The following PHLDB1 variants were observed in gnomAD, a reference collection of about 807,000 sequenced individuals.
PHLDB1 encodes the protein pleckstrin homology like domain family B member 1, also known as pleckstrin homology-like domain family B member 1.
Under a neutral mutation model 139.3 loss-of-function variants are expected in PHLDB1, and 65 were observed. That is an observed-to-expected ratio of 0.47 (90% confidence interval 0.38 to 0.57). The LOEUF (loss-of-function observed/expected upper bound fraction) is 0.57, where lower values mean the gene tolerates loss of function less well. Among genes scored for constraint, PHLDB1 ranks in the 20% least tolerant of loss-of-function variants. The pLI, the probability that PHLDB1 is intolerant of heterozygous loss-of-function variation, is 0.00. For synonymous variants in PHLDB1, 679 were observed against 734.5 expected, an observed-to-expected ratio of 0.92 and a Z score of 1.22; for missense variants, 1,624 against 1,839.7, an observed-to-expected ratio of 0.88 and a Z score of 2.14.
chr11:118,609,287 C>T, intron 1 of PHLDB1, among the ~76,000 whole-genome samples: 1 of 148,014 alleles, frequency 6.8e-6, no homozygotes, highest in Non-Finnish European at 1.5e-5. Flanking sequence ...CTCACACACA[C>T]AGCCCCAGTT....
rs2135675845 is a variant in PHLDB1 at position 118,611,790 on chromosome 11, C to T, written c.-21-2026C>T. Among the ~76,000 whole-genome samples, 1 of 150,944 alleles carries T rather than the reference C, an allele frequency of 6.6e-6. No individual in the cohort carries two copies. The highest frequency in any genetic ancestry group is 1.9e-4 in the East Asian group (1 of 5,138). ...CCGAGATAGCACCGCTGCACTCCAGCCTGGGCAACAAGAGTGAAACTCCGT... is the reference window on the plus strand; with the variant it reads ...CCGAGATAGCACCGCTGCACTCCAGTCTGGGCAACAAGAGTGAAACTCCGT... On this transcript the variant is annotated intron_variant, in intron 1 of 22. Transcript: ENST00000600882. This position sits in a 1 kb window ranked among gnomAD's most constrained non-coding sequence, Gnocchi z 4.7.
chr11:118,616,637 A>T (rs1555089902), intron 4 of PHLDB1, among the ~76,000 whole-genome samples: 1 of 152,226 alleles, frequency 6.6e-6, no homozygotes, highest in Non-Finnish European at 1.5e-5. Flanking sequence ...GGGATGGGGC[A>T]AGGGTAAATC....
In PHLDB1 at chr11:118,643,824, G is replaced by A. The variant is rs374599436; in HGVS notation, c.2902G>A (p.Glu968Lys). 5.8e-5 allele frequency: 94 copies of A among 1,613,960 alleles called. 1 individual carries two copies. The East Asian group carries it at 8.9e-4, about 15-fold the overall frequency. Residue 968 changes from glutamate to lysine, a missense_variant, in exon 14 of 23, where the codon GAG becomes AAG. Coordinates refer to ENST00000600882, the MANE Select transcript of PHLDB1 (RefSeq NM_001144758.3). Reference sequence around the variant, plus strand: ...GGTTTACCGCTCCAAGATGGATGGCGAGGCCACCAGCCCCCTTCCCCGGAC... The same window carrying A: ...GGTTTACCGCTCCAAGATGGATGGCAAGGCCACCAGCCCCCTTCCCCGGAC... ...LQVYRSKMDG[E>K]ATSPLPRTRS... is the part of the protein sequence containing the mutation.
intron 9 of PHLDB1, chr11:118,634,415 CT>C (rs1289162342): frequency 6.6e-6 from 1 of 152,500 alleles, no homozygotes. Flanking sequence ...CATCACTACC[CT>C]TTTTCCCTGG....
At position 118,611,778 on chromosome 11, in the gene PHLDB1, G is replaced by A. The variant is rs1379365095; in HGVS notation, c.-21-2038G>A. Among the ~76,000 whole-genome samples, 1 of 150,726 alleles carries A rather than the reference G, an allele frequency of 6.6e-6. No homozygotes were observed. Among genetic ancestry groups the A allele is most frequent in the African/African-American group, 2.4e-5 (1 of 40,930 alleles). On this transcript the variant is annotated intron_variant, in intron 1 of 22. Coordinates refer to ENST00000600882, the MANE Select transcript of PHLDB1 (RefSeq NM_001144758.3). This position sits in a 1 kb window ranked among gnomAD's most constrained non-coding sequence, Gnocchi z 4.7. Reference sequence around the variant, plus strand: ...GGTTGCGGTAAGCCGAGATAGCACCGCTGCACTCCAGCCTGGGCAACAAGA... The same window carrying A: ...GGTTGCGGTAAGCCGAGATAGCACCACTGCACTCCAGCCTGGGCAACAAGA...
chr11:118,625,920 G>A lies in PHLDB1; in HGVS notation c.481+861G>A, dbSNP rs1387035172. The stretch of plus-strand genomic sequence containing the variant: ...TACCCTCGATCTTTTCCAGTCCTCT[G>A]GGGGCTCAGAAGCCTGGGTTCCCAG... On this transcript the variant is annotated intron_variant, in intron 5 of 22. Transcript: ENST00000600882. Among the ~76,000 whole-genome samples, 3 of 152,166 alleles carry A rather than the reference G, an allele frequency of 2.0e-5. No individual in the cohort carries two copies. In the East Asian group the frequency reaches 5.8e-4, roughly 29 times the overall value.
intron 5 of PHLDB1, 132 bp from the exon 6 acceptor site, chr11:118,627,173 C>T (rs1944019952): frequency 1.2e-6 from 1 of 862,060 alleles, no homozygotes; most frequent in South Asian, 1.6e-5. Context: ...CTAGCTGGTA[C>T]CAGAACCACA....
At position 118,631,190 on chromosome 11, in the gene PHLDB1, C is replaced by G. The variant is rs376717761; in HGVS notation, c.1828-17C>G. ...AGCTTCCTCCCCTTCATGTCCTGCT[C>G]TGTCCATCCTCCCCAGGAACGCCAG... On this transcript the variant is annotated splice_polypyrimidine_tract_variant and intron_variant, in intron 6 of 22. Transcript: ENST00000600882. The G allele has an allele frequency of 2.1e-5, 30 of 1,418,052 alleles. No individual in the cohort carries two copies. The African/African-American group carries it at 3.4e-4, about 16-fold the overall frequency. 87.8% of individuals were successfully genotyped at this position (1,418,052 alleles called of 1,614,324 possible).
chr11:118,629,897 C>A, intron 6 of PHLDB1: 2 of 630,902 alleles, frequency 3.2e-6, no homozygotes, highest in Non-Finnish European at 2.4e-6. Flanking sequence ...TCCTGACCTG[C>A]CTCACCTGCC....
intron 5 of PHLDB1, among the ~76,000 whole-genome samples, chr11:118,625,898 C>A (rs1268315558): frequency 3.3e-5 from 5 of 152,174 alleles, no homozygotes; most frequent in Non-Finnish European, 4.4e-5. Flanking sequence ...TTTTCCCTAC[C>A]CTCGATCTTT....
rs377765026 is a variant in PHLDB1 at position 118,645,982 on chromosome 11, C to A, written c.3507+157C>A. 3.9e-5 allele frequency among the ~76,000 whole-genome samples: 6 copies of A among 152,186 alleles called. No individual in the cohort carries two copies. The highest frequency in any genetic ancestry group is 1.4e-4 in the African/African-American group (6 of 41,524). ...ATGTTTTAAAAGGTTGTATTCTGGC[C>A]GGGCGCGGTGGCTCATGCCCGTAAT... On this transcript the variant is annotated intron_variant, in intron 17 of 22. Coordinates refer to ENST00000600882, the MANE Select transcript of PHLDB1 (RefSeq NM_001144758.3). The surrounding 1 kb of genome is among the most constrained non-coding windows in gnomAD (Gnocchi z 5.1).
Position 118,628,549 on chromosome 11 carries a change from A to G in PHLDB1, c.1726A>G (p.Lys576Glu). Residue 576 changes from lysine to glutamate, a missense_variant, in exon 6 of 23, where the codon AAA (lysine) becomes GAA (glutamate). Coordinates refer to ENST00000600882, the MANE Select transcript of PHLDB1 (RefSeq NM_001144758.3). Reference protein sequence around the residue: ...DLRVPVTRERKNSITEISDNE... With the variant: ...DLRVPVTRERENSITEISDNE... ...GCGGGTGCCTGTCACAAGGGAGCGG[A>G]AAAATAGCATCACAGAGATCAGTGA... 6.2e-7 allele frequency: 1 copy of G among 1,613,078 alleles called. No homozygotes were observed.
Position 118,632,080 on chromosome 11 carries a change from T to A in PHLDB1, c.2241+27T>A, listed in dbSNP as rs375468926. On this transcript the variant is annotated intron_variant, in intron 8 of 22. Transcript: ENST00000600882. This position sits in a 1 kb window ranked among gnomAD's most constrained non-coding sequence, Gnocchi z 5.9. Reference sequence around the variant, plus strand: ...TGAGCCGTGAAGTCCCTAGCTGGACTCTTCCCTAGGCCAACTGAAGGCCCC... The same window carrying A: ...TGAGCCGTGAAGTCCCTAGCTGGACACTTCCCTAGGCCAACTGAAGGCCCC... 6 of 1,613,568 alleles carry A rather than the reference T, an allele frequency of 3.7e-6. No individual in the cohort carries two copies. The African/African-American group carries it at 5.3e-5, about 14-fold the overall frequency.
chr11:118,631,631 G>C, intron 7 of PHLDB1, 152 bp downstream of exon 7: 1 of 768,214 alleles, frequency 1.3e-6, no homozygotes, highest in Non-Finnish European at 2.0e-6. Context: ...AGACAAGGAA[G>C]AGAAGGGAGG....
In PHLDB1 at chr11:118,643,851, C is replaced by T. The variant is rs782756849; in HGVS notation, c.2929C>T (p.Arg977Cys). 8.7e-6 allele frequency: 14 copies of T among 1,613,804 alleles called. No individual in the cohort carries two copies. The highest frequency in any genetic ancestry group is 3.3e-5 in the South Asian group (3 of 91,086). ...GEATSPLPRTRSGPLPSSSGS... is the reference protein window; with the variant it reads ...GEATSPLPRTCSGPLPSSSGS... Reference sequence around the variant, plus strand: ...GGCCACCAGCCCCCTTCCCCGGACCCGCAGCGGCCCCCTCCCCTCCTCCTC... The same window carrying T: ...GGCCACCAGCCCCCTTCCCCGGACCTGCAGCGGCCCCCTCCCCTCCTCCTC... The change falls in exon 14 of 23, where the codon CGC becomes TGC. Residue 977 changes from arginine (R) to cysteine (C), a missense_variant. Transcript: ENST00000600882.
intron 18 of PHLDB1, among the ~76,000 whole-genome samples, chr11:118,648,649 GT>G (rs1180219008): frequency 6.6e-6 from 1 of 152,156 alleles, no homozygotes; most frequent in African/African-American, 2.4e-5. Context: ...AGACAGAATT[GT>G]ACTAGTTTCT....
chr11:118,643,747 G>A, intron 13 of PHLDB1, 53 bp from the exon 14 acceptor site: 2 of 1,613,466 alleles, frequency 1.2e-6, no homozygotes, highest in Non-Finnish European at 1.7e-6. Flanking sequence ...TGACATGGGG[G>A]AGGTGGCCAA....
At chr11:118,656,002 A>AG in intron 22 of PHLDB1, 110 bp downstream of exon 22, 1 of 815,622 alleles carries the variant, frequency 1.2e-6, no homozygotes, top group Non-Finnish European at 2.1e-6. Flanking sequence ...GGCCCAAGGG[A>AG]GGAGCAGAAA....
intron 6 of PHLDB1, 131 bp from the exon 7 acceptor site, chr11:118,631,076 C>G: frequency 3.8e-6 from 3 of 792,184 alleles, no homozygotes; most frequent in Non-Finnish European, 5.4e-6. Flanking sequence ...TCAGGCCTCT[C>G]CTGACTTGAC....
Sources: allele counts gnomAD v4.1 joint callset (sites outside exome capture counted in the v4.1 genomes callset), GRCh38; gene constraint gnomAD v4.1.1; non-coding constraint Gnocchi (gnomAD v3.1); transcripts MANE v1.5; gene names NCBI Gene and HGNC (gene_info 2026-07-23, HGNC 2026-07-21).